The following CPAMD8 variants were observed in gnomAD, a reference collection of about 807,000 sequenced individuals.
CPAMD8 encodes the protein C3 and PZP like alpha-2-macroglobulin domain containing 8.
In CPAMD8, 146 loss-of-function variants were observed where a neutral mutation model predicts 224.7. That is an observed-to-expected ratio of 0.65 (90% confidence interval 0.57 to 0.75). The LOEUF (loss-of-function observed/expected upper bound fraction) is 0.75. Among genes scored for constraint, CPAMD8 ranks in the 30% least tolerant of loss-of-function variants. CPAMD8 has a pLI of 0.00. For synonymous variants in CPAMD8, 966 were observed against 1,044.6 expected (o/e 0.92, Z 1.45); for missense variants, 2,301 against 2,537.5 (o/e 0.91, Z 2.00).
chr19:16,926,973 C>T (rs1031622999), intron 25 of CPAMD8, among the ~76,000 whole-genome samples: 10 of 152,110 alleles, frequency 6.6e-5, no homozygotes, highest in African/African-American at 2.2e-4. Context: ...GAGAGAGCCT[C>T]GACACCCTCA....
chr19:16,905,579 A>G (rs1229833214), intron 30 of CPAMD8, among the ~76,000 whole-genome samples: 1 of 150,390 alleles, frequency 6.6e-6, no homozygotes, highest in African/African-American at 2.4e-5. Context: ...GAAAAAAAAA[A>G]AAAAAAAGAA....
chr19:16,896,084 C>A lies in CPAMD8; in HGVS notation c.5426+92G>T, dbSNP rs539487270. The stretch of plus-strand genomic sequence containing the variant: ...GGGGGTCGGGGCGGGGCGGAGGAGT[C>A]GGGGCAGGTCGTCGGGGGAGGTTGG... On this transcript the variant is annotated intron_variant, in intron 41 of 41. Coordinates refer to ENST00000443236, the MANE Select transcript of CPAMD8 (RefSeq NM_015692.5). 5.2e-5 allele frequency: 59 copies of A among 1,140,592 alleles called. No homozygotes were observed. In the African/African-American group the frequency reaches 1.1e-3, roughly 21 times the overall value. The allele number at this position is 1,140,592 out of a possible 1,614,324, so 70.7% of individuals were successfully genotyped here.
At chr19:16,957,556 A>G in intron 19 of CPAMD8, 1 of 306,180 alleles carries the variant, frequency 3.3e-6, no homozygotes, top group Non-Finnish European at 6.0e-6. Context: ...GTTCCAGGGA[A>G]CTGTAATCAT....
intron 18 of CPAMD8, among the ~76,000 whole-genome samples, chr19:16,960,303 G>A (rs1428118835): frequency 2.0e-5 from 3 of 152,064 alleles, no homozygotes; most frequent in Non-Finnish European, 2.9e-5. Flanking sequence ...AGCAGACCCC[G>A]GAAACACCCG....
At chr19:17,020,434 C>G in intron 2 of CPAMD8, 81 bp from the exon 3 acceptor site, 2 of 1,038,636 alleles carry the variant, frequency 1.9e-6, no homozygotes, top group Non-Finnish European at 3.0e-6. Context: ...TCACAAACCA[C>G]AAACTTTCTT....
chr19:16,899,427 A>C lies in CPAMD8; in HGVS notation c.4848+48T>G, dbSNP rs772932948. 1.6e-5 allele frequency: 14 copies of C among 858,876 alleles called. No homozygotes were observed. The highest frequency in any genetic ancestry group is 1.5e-4 in the African/African-American group (9 of 60,572). The allele number at this position is 858,876 out of a possible 1,614,324, so 53.2% of individuals were successfully genotyped here. A position where few individuals can be genotyped will look rare whatever the true frequency, so the allele number is the denominator to read the frequency against. ...AGGCAGTGACCGGTGCACCCTCACCAACATGCACACCAGGGAAGCCTCCTC... is the reference window on the plus strand; with the variant it reads ...AGGCAGTGACCGGTGCACCCTCACCCACATGCACACCAGGGAAGCCTCCTC... On this transcript the variant is annotated intron_variant, in intron 37 of 41. Transcript: ENST00000443236. The surrounding 1 kb of genome is among the most constrained non-coding windows in gnomAD (Gnocchi z 5.4).
intron 19 of CPAMD8, among the ~76,000 whole-genome samples, chr19:16,952,513 C>T (rs1246426592): frequency 1.3e-5 from 2 of 151,990 alleles, no homozygotes; most frequent in African/African-American, 4.8e-5. Context: ...CGTGTTGCTA[C>T]AAAAAATTTA....
Position 16,997,980 on chromosome 19 carries a change from C to T in CPAMD8, c.868-642G>A, listed in dbSNP as rs538944359. On this transcript the variant is annotated intron_variant, in intron 10 of 41. Coordinates refer to ENST00000443236, the MANE Select transcript of CPAMD8 (RefSeq NM_015692.5). ...CCTATCTCAGGATCCCACCCTGGGA[C>T]TTGGCAAATAATCCTCATTCAGAAA... 2.0e-5 allele frequency among the ~76,000 whole-genome samples: 3 copies of T among 152,350 alleles called. No individual in the cohort carries two copies. In the East Asian group the frequency reaches 5.8e-4, roughly 29 times the overall value.
chr19:17,016,729 C>T (rs1184609608), intron 3 of CPAMD8, among the ~76,000 whole-genome samples: 1 of 151,978 alleles, frequency 6.6e-6, no homozygotes, highest in African/African-American at 2.4e-5. Context: ...CACTGCACTC[C>T]ACCCTGGGCG....
intron 26 of CPAMD8, among the ~76,000 whole-genome samples, chr19:16,923,294 G>C (rs927435179): frequency 6.6e-6 from 1 of 152,328 alleles, no homozygotes; most frequent in African/African-American, 2.4e-5. Flanking sequence ...AGCTGGGGAC[G>C]GGGAACCCTC....
At position 16,971,116 on chromosome 19, in the gene CPAMD8, G is replaced by C. The variant is rs888476740; in HGVS notation, c.2071-83C>G. ...GAAGCATAAGGGAATGAATCACCCT[G>C]TGGCCACTGTCCCAATATCAGCTTG... is the stretch of plus-strand genomic sequence containing the variant. On this transcript the variant is annotated intron_variant, in intron 17 of 41. Coordinates refer to ENST00000443236, the MANE Select transcript of CPAMD8 (RefSeq NM_015692.5). 12 of 1,256,128 alleles carry C rather than the reference G, an allele frequency of 9.6e-6. 1 individual carries two copies. In the African/African-American group the frequency reaches 1.1e-4, roughly 11 times the overall value. 77.8% of individuals were successfully genotyped at this position (1,256,128 alleles called of 1,614,324 possible).
chr19:16,976,533 C>G (rs906728638), intron 15 of CPAMD8, among the ~76,000 whole-genome samples: 1 of 152,036 alleles, frequency 6.6e-6, no homozygotes, highest in East Asian at 1.9e-4. Flanking sequence ...CCAGAGGCAT[C>G]TCTTCTGCCC....
intron 9 of CPAMD8, among the ~76,000 whole-genome samples, chr19:17,001,033 G>A (rs535220476): frequency 6.6e-6 from 1 of 152,102 alleles, no homozygotes. Context: ...CAAAATGAGA[G>A]AGTGCAGGCT....
At chr19:16,901,946 C>T (rs1002261261) in intron 35 of CPAMD8, among the ~76,000 whole-genome samples, 50 of 152,062 alleles carry the variant, frequency 3.3e-4, no homozygotes, top group Admixed American at 6.6e-5. Context: ...CAGCCGTTAC[C>T]GGGGTAGCGG....
chr19:16,902,991 GT>G, intron 34 of CPAMD8, 128 bp from the exon 35 acceptor site: 1 of 617,194 alleles, frequency 1.6e-6, no homozygotes, highest in Non-Finnish European at 2.9e-6. Flanking sequence ...ATCCATGACA[GT>G]TTTAGAGACT....
intron 30 of CPAMD8, 71 bp downstream of exon 30, chr19:16,906,881 T>C: frequency 7.2e-7 from 1 of 1,393,826 alleles, no homozygotes; most frequent in Non-Finnish European, 9.9e-7. Flanking sequence ...AATATGTTCA[T>C]GAGTTGTTTA....
chr19:16,987,490 T>A (rs2055787746), intron 13 of CPAMD8, among the ~76,000 whole-genome samples: 1 of 151,912 alleles, frequency 6.6e-6, no homozygotes, highest in African/African-American at 2.4e-5. Context: ...TCTTTATGAT[T>A]TTTTTTACCT....
At chr19:16,951,273 A>G (rs1332313283) in intron 20 of CPAMD8, among the ~76,000 whole-genome samples, 1 of 152,152 alleles carries the variant, frequency 6.6e-6, no homozygotes, top group Non-Finnish European at 1.5e-5. Flanking sequence ...GAGCCTGTGA[A>G]TTAAGACCCA....
At chr19:16,970,536 GATCAC>G (rs2055023148) in intron 18 of CPAMD8, among the ~76,000 whole-genome samples, 1 of 151,948 alleles carries the variant, frequency 6.6e-6, no homozygotes, top group Admixed American at 6.6e-5. Context: ...AGGGAGCCAA[GATCAC>G]ACCACTGGGG....
Sources: allele counts gnomAD v4.1 joint callset (sites outside exome capture counted in the v4.1 genomes callset), GRCh38; gene constraint gnomAD v4.1.1; non-coding constraint Gnocchi (gnomAD v3.1); transcripts MANE v1.5; gene names NCBI Gene and HGNC (gene_info 2026-07-23, HGNC 2026-07-21).